Variants in CRY1 observed in about 807,000 individuals in gnomAD.
CRY1 encodes cryptochrome-1.
A neutral mutation model predicts 76.0 loss-of-function variants in CRY1; 45 were observed. That is an observed-to-expected ratio of 0.59 (90% CI 0.47 to 0.76). CRY1 has a LOEUF of 0.76. Ranked by LOEUF, CRY1 falls within the 30% of genes least tolerant of loss-of-function variation. The pLI is 0.00. For synonymous variants in CRY1, 248 were observed against 244.0 expected, an observed-to-expected ratio of 1.02 and a Z score of -0.15; for missense variants, 587 against 716.4, an observed-to-expected ratio of 0.82 and a Z score of 2.06.
chr12:107,019,321 T>C (rs368811474), intron 2 of CRY1, among the ~76,000 whole-genome samples: 21 of 152,244 alleles, frequency 1.4e-4, no homozygotes, highest in African/African-American at 5.1e-4. Flanking sequence ...CTAGATATGG[T>C]AAATAAATCT....
rs543631230 is a variant in CRY1, at chr12:107,044,468, G to C, written c.159-22276C>G. Among the ~76,000 whole-genome samples the C allele has an allele frequency of 3.3e-5, 5 of 152,300 alleles. No homozygotes were observed. In the East Asian group the frequency reaches 9.7e-4, roughly 29 times the overall value. Reference sequence around the variant, plus strand: ...CTATACCACTGCACCTATCTGGAAAGAGAGTCACCATACCCTTTCCAAATG... The same window carrying C: ...CTATACCACTGCACCTATCTGGAAACAGAGTCACCATACCCTTTCCAAATG... On this transcript the variant is annotated intron_variant, in intron 1 of 12. Coordinates refer to ENST00000008527, the MANE Select transcript of CRY1 (RefSeq NM_004075.5).
At chr12:107,057,670 A>G (rs1487070965) in intron 1 of CRY1, among the ~76,000 whole-genome samples, 1 of 152,038 alleles carries the variant, frequency 6.6e-6, no homozygotes, top group Non-Finnish European at 1.5e-5. Flanking sequence ...GCTGGGGGCC[A>G]CAGTGGACTA....
intron 2 of CRY1, among the ~76,000 whole-genome samples, chr12:107,009,490 G>T (rs566799197): frequency 1.3e-5 from 2 of 149,592 alleles, no homozygotes; most frequent in East Asian, 3.9e-4. Context: ...AGTGAGCCAA[G>T]GTTGTACCAC....
At chr12:107,037,118 A>G (rs923756868) in intron 1 of CRY1, among the ~76,000 whole-genome samples, 3 of 152,202 alleles carry the variant, frequency 2.0e-5, no homozygotes, top group Non-Finnish European at 4.4e-5. Flanking sequence ...AAAGACACCT[A>G]AGGGGGTAAA....
In CRY1 at chr12:106,999,955, T is replaced by A; in HGVS notation, c.812A>T (p.Asp271Val). ...SCRLFYFKLT[D>V]LYKKVKKNSS... ...TTTAGAGAATACCTTTTTGTAGAGATCTGTTAGTTTGAAGTAAAACAGTCG... is the reference window on the plus strand; with the variant it reads ...TTTAGAGAATACCTTTTTGTAGAGAACTGTTAGTTTGAAGTAAAACAGTCG... The change falls in exon 6 of 13, where the codon GAT becomes GTT. Residue 271 changes from aspartate to valine, a missense_variant. By Grantham distance (152) the Asp-to-Val change is radical (BLOSUM62 -3). Transcript: ENST00000008527. 2 of 1,608,010 alleles carry A rather than the reference T, an allele frequency of 1.2e-6. No individual in the cohort carries two copies. Among genetic ancestry groups the A allele is most frequent in the Middle Eastern group, 1.7e-4 (1 of 6,018 alleles).
At chr12:107,060,409 G>A (rs1398847956) in intron 1 of CRY1, among the ~76,000 whole-genome samples, 4 of 152,048 alleles carry the variant, frequency 2.6e-5, no homozygotes, top group Non-Finnish European at 4.4e-5. Context: ...GGGATGATGG[G>A]GCAAGAAGGT....
In CRY1 at chr12:107,000,840, G is replaced by A. The variant is rs994534165; in HGVS notation, c.684+440C>T. Reference sequence around the variant, plus strand: ...ACTTTTGTATTTTTAGTAAAGATGGGGGTTTTGCCATGTTGGCCAGGCTGG... The same window carrying A: ...ACTTTTGTATTTTTAGTAAAGATGGAGGTTTTGCCATGTTGGCCAGGCTGG... On this transcript the variant is annotated intron_variant, in intron 5 of 12. Coordinates refer to ENST00000008527, the MANE Select transcript of CRY1 (RefSeq NM_004075.5). 4.0e-5 allele frequency among the ~76,000 whole-genome samples: 6 copies of A among 151,754 alleles called. No homozygotes were observed. In the South Asian group the frequency reaches 6.2e-4, roughly 16 times the overall value.
intron 8 of CRY1, 68 bp from the exon 9 acceptor site, chr12:106,997,758 C>A: frequency 6.4e-7 from 1 of 1,572,012 alleles, no homozygotes; most frequent in Non-Finnish European, 8.7e-7. Context: ...CTAGCTATGA[C>A]AGACCAAAAT....
At chr12:107,070,575 A>G (rs1288388921) in intron 1 of CRY1, among the ~76,000 whole-genome samples, 1 of 152,178 alleles carries the variant, frequency 6.6e-6, no homozygotes, top group African/African-American at 2.4e-5. Context: ...AAGAGACCTT[A>G]CATAAACCTG....
chr12:107,091,934 T>C (rs536195901), intron 1 of CRY1, among the ~76,000 whole-genome samples: 25 of 152,334 alleles, frequency 1.6e-4, no homozygotes, highest in African/African-American at 5.1e-4. Flanking sequence ...ACCCTTGTAT[T>C]CTTTATCCCT....
At chr12:107,035,821 G>A (rs1402840041) in intron 1 of CRY1, among the ~76,000 whole-genome samples, 1 of 152,158 alleles carries the variant, frequency 6.6e-6, no homozygotes, top group African/African-American at 2.4e-5. Context: ...TCCCTTTGAA[G>A]ATTGCCTCAG....
chr12:107,050,358 T>C (rs1001070573), intron 1 of CRY1: 1 of 152,248 alleles, frequency 6.6e-6, no homozygotes, highest in East Asian at 1.9e-4. Context: ...ACCTCCAGTA[T>C]TGGAGGTGGG....
intron 2 of CRY1, among the ~76,000 whole-genome samples, chr12:107,009,125 T>C (rs1309093159): frequency 6.6e-6 from 1 of 152,244 alleles, no homozygotes; most frequent in Admixed American, 6.5e-5. Context: ...TCTTCATTTG[T>C]TAAGATAATT....
chr12:107,053,326 T>A (rs1952944205), intron 1 of CRY1, among the ~76,000 whole-genome samples: 1 of 152,172 alleles, frequency 6.6e-6, no homozygotes, highest in Admixed American at 6.5e-5. Flanking sequence ...CAAATGTATT[T>A]TTTTTTTGAG....
intron 1 of CRY1, among the ~76,000 whole-genome samples, chr12:107,074,914 C>T (rs1020214531): frequency 1.3e-5 from 2 of 152,122 alleles, no homozygotes; most frequent in Admixed American, 1.3e-4. Flanking sequence ...ACTTGGAAGG[C>T]TGAGGCAGGA....
At chr12:107,074,659 T>A (rs1953228613) in intron 1 of CRY1, among the ~76,000 whole-genome samples, 1 of 152,220 alleles carries the variant, frequency 6.6e-6, no homozygotes, top group African/African-American at 2.4e-5. Context: ...GGTATTACCA[T>A]CACAGAAATC....
chr12:107,057,645 C>G (rs954838476), intron 1 of CRY1, among the ~76,000 whole-genome samples: 6 of 152,064 alleles, frequency 3.9e-5, no homozygotes, highest in African/African-American at 1.4e-4. Context: ...GTGGGAGGAT[C>G]ACCTGAGTCC....
chr12:107,042,968 T>C (rs564258951), intron 1 of CRY1: 1 of 152,330 alleles, frequency 6.6e-6, no homozygotes, highest in African/African-American at 2.4e-5. Context: ...CACGTAACTG[T>C]GCTCACCGTA....
chr12:107,011,101 C>T (rs1952438924), intron 2 of CRY1, among the ~76,000 whole-genome samples: 1 of 152,196 alleles, frequency 6.6e-6, no homozygotes, highest in South Asian at 2.1e-4. Context: ...AATCCCAGCA[C>T]TTTGGGAGGC....
Sources: allele counts gnomAD v4.1 joint callset (sites outside exome capture counted in the v4.1 genomes callset), GRCh38; gene constraint gnomAD v4.1.1; transcripts MANE v1.5; gene names NCBI Gene and HGNC (gene_info 2026-07-23, HGNC 2026-07-21).